Variants in SFTPD observed in about 807,000 individuals in gnomAD.
The protein encoded by SFTPD is surfactant protein D.
A neutral mutation model predicts 34.6 loss-of-function variants in SFTPD; 18 were observed. The observed-to-expected ratio is 0.52, with a 90% CI of 0.36 to 0.77. The LOEUF (loss-of-function observed/expected upper bound fraction) is 0.77, where lower values mean the gene tolerates loss of function less well. SFTPD is among the 30% of genes least tolerant of loss of function. The pLI, the probability that SFTPD is intolerant of heterozygous loss-of-function variation, is 0.00. For synonymous variants in SFTPD, 155 were observed against 180.9 expected (o/e 0.86, Z 1.15); for missense variants, 433 against 468.9 (o/e 0.92, Z 0.71).
chr10:79,967,064 GC>G (rs1335037305), intron 1 of SFTPD, among the ~76,000 whole-genome samples: 1 of 124,160 alleles, frequency 8.1e-6, no homozygotes, highest in Non-Finnish European at 1.6e-5. Context: ...CATCGTCTCA[GC>G]CCAAAATCTC....
intron 1 of SFTPD, among the ~76,000 whole-genome samples, chr10:79,961,757 C>G (rs1440216926): frequency 6.6e-6 from 1 of 152,104 alleles, no homozygotes; most frequent in Non-Finnish European, 1.5e-5. Flanking sequence ...GGATCTAGAA[C>G]TAGAAATACC....
At chr10:79,941,889 T>C in intron 5 of SFTPD, 65 bp downstream of exon 5, 1 of 1,047,734 alleles carries the variant, frequency 9.5e-7, no homozygotes, top group East Asian at 2.4e-5. Flanking sequence ...GGTGTAGGCA[T>C]TGACAGCTCC....
At chr10:79,964,277 T>C (rs923217209) in intron 1 of SFTPD, among the ~76,000 whole-genome samples, 2 of 152,208 alleles carry the variant, frequency 1.3e-5, no homozygotes, top group Non-Finnish European at 2.9e-5. Context: ...TTAATGCCTC[T>C]TTAATAAAAA....
chr10:79,952,146 A>G (rs1020333693), upstream of SFTPD, among the ~76,000 whole-genome samples: 9 of 152,208 alleles, frequency 5.9e-5, no homozygotes, highest in Non-Finnish European at 1.2e-4. Flanking sequence ...CTCTTCCCTC[A>G]GCAGCTCTGA....
At chr10:79,951,629 C>T (rs1462097148), upstream of SFTPD, among the ~76,000 whole-genome samples, 1 of 152,194 alleles carries the variant, frequency 6.6e-6, no homozygotes, top group Non-Finnish European at 1.5e-5. Flanking sequence ...CAGCACTATA[C>T]CCTCTGTCAG....
chr10:79,941,388 G>C lies in SFTPD; in HGVS notation c.667+10C>G, dbSNP rs780628849. 8.1e-6 allele frequency: 13 copies of C among 1,611,514 alleles called. No individual in the cohort carries two copies. Among genetic ancestry groups the C allele is most frequent in the Non-Finnish European group, 1.1e-5 (13 of 1,177,816 alleles). ...GCGGGGCTTCCCTGGGCCAGGAGCT[G>C]CTACCTTACCTGGAAGCCCACTTTC... On this transcript the variant is annotated intron_variant, in intron 6 of 7. Coordinates refer to ENST00000372292, the MANE Select transcript of SFTPD (RefSeq NM_003019.5).
At chr10:79,959,523 A>G (rs375331665) in intron 1 of SFTPD, among the ~76,000 whole-genome samples, 1 of 152,100 alleles carries the variant, frequency 6.6e-6, no homozygotes, top group African/African-American at 2.4e-5. Flanking sequence ...ACACCTCTAC[A>G]CAAATAAGCT....
chr10:79,944,406 G>A (rs1304019831), intron 2 of SFTPD, among the ~76,000 whole-genome samples: 2 of 152,174 alleles, frequency 1.3e-5, no homozygotes, highest in African/African-American at 2.4e-5. Context: ...GGGTGGTCGG[G>A]GAGTGCCTCA....
At chr10:79,944,729 G>A (rs1044061613) in intron 2 of SFTPD, among the ~76,000 whole-genome samples, 1 of 152,156 alleles carries the variant, frequency 6.6e-6, no homozygotes, top group African/African-American at 2.4e-5. Flanking sequence ...AATGCTGAAG[G>A]TGCTGAGGAA....
At chr10:79,963,348 TA>T (rs61707427) in intron 1 of SFTPD, among the ~76,000 whole-genome samples, 1,571 of 139,134 alleles carry the variant, frequency 0.011, 17 homozygotes, top group East Asian at 0.023. Context: ...CCGTGTCTCT[TA>T]AAAAAAAAAA....
At chr10:79,952,018 G>A (rs1049317683), upstream of SFTPD, among the ~76,000 whole-genome samples, 1 of 152,202 alleles carries the variant, frequency 6.6e-6, no homozygotes, top group African/African-American at 2.4e-5. Context: ...CCTTGTCCCG[G>A]AGCTTGTGAC....
At chr10:79,964,090 C>T (rs1842789943) in intron 1 of SFTPD, among the ~76,000 whole-genome samples, 1 of 152,056 alleles carries the variant, frequency 6.6e-6, no homozygotes, top group South Asian at 2.1e-4. Flanking sequence ...ACCACTCTGC[C>T]CCCCTCCACT....
chr10:79,967,605 A>T (rs1334646963), intron 1 of SFTPD, among the ~76,000 whole-genome samples: 9 of 145,436 alleles, frequency 6.2e-5, no homozygotes, highest in Non-Finnish European at 1.3e-4. Context: ...CAAAACAGAG[A>T]TATAGATCAA....
chr10:79,963,320 G>C (rs1314842551), intron 1 of SFTPD, among the ~76,000 whole-genome samples: 1 of 150,816 alleles, frequency 6.6e-6, no homozygotes, highest in Non-Finnish European at 1.5e-5. Flanking sequence ...CTGCACTCTA[G>C]CCTGAGTGAG....
At chr10:79,971,477 A>G (rs934093846) in intron 1 of SFTPD, 1 of 152,160 alleles carries the variant, frequency 6.6e-6, no homozygotes, top group African/African-American at 2.4e-5. Flanking sequence ...CAATAAAGCC[A>G]TCAGGTCCTT....
intron 1 of SFTPD, chr10:79,982,165 C>A: frequency 2.4e-6 from 1 of 411,656 alleles, no homozygotes; most frequent in African/African-American, 2.1e-5. Context: ...GCAGGGCGGA[C>A]ATGGGCACCA....
intron 1 of SFTPD, among the ~76,000 whole-genome samples, chr10:79,974,334 ATT>A (rs540437287): frequency 0.019 from 2,872 of 150,606 alleles, 96 homozygotes; most frequent in African/African-American, 0.067. Flanking sequence ...CGCCCAGCTA[ATT>A]TTTTTTTGTA....
intron 1 of SFTPD, among the ~76,000 whole-genome samples, chr10:79,965,536 TTTC>T (rs960138893): frequency 6.1e-4 from 14 of 22,996 alleles, no homozygotes; most frequent in Admixed American, 3.4e-3. Context: ...TCATTTTATT[TTTC>T]TTTTTTTTTT....
At position 79,942,846 on chromosome 10, in the gene SFTPD, G is replaced by C. The variant is rs748585306; in HGVS notation, c.233C>G (p.Pro78Arg). 8.1e-6 allele frequency: 13 copies of C among 1,613,992 alleles called. No individual in the cohort carries two copies. Among genetic ancestry groups the C allele is most frequent in the Non-Finnish European group, 1.0e-5 (12 of 1,179,886 alleles). Residue 78 changes from proline (P) to arginine (R), a missense_variant, in exon 3 of 8, where the codon CCT (proline) becomes CGT (arginine). Transcript: ENST00000372292. ...LPGAAGQAGM[P>R]GQAGPVGPKG... Reference sequence around the variant, plus strand: ...GGGCCCAACTGGGCCAGCTTGTCCAGGCATCCCTGCTTGCCCTGCAGCTCC... The same window carrying C: ...GGGCCCAACTGGGCCAGCTTGTCCACGCATCCCTGCTTGCCCTGCAGCTCC...
Sources: gnomAD v4.1 joint callset for allele counts (sites outside exome capture counted in the v4.1 genomes callset) on GRCh38, gnomAD v4.1.1 for gene constraint, MANE v1.5 for transcripts, NCBI Gene and HGNC (gene_info 2026-07-23, HGNC 2026-07-21) for gene names.